Variants in ME1 observed in about 807,000 individuals in gnomAD.
The protein encoded by ME1 is malic enzyme 1.
In ME1, 74 loss-of-function variants were observed where a neutral mutation model predicts 66.4. The observed-to-expected ratio is 1.11, with a 90% CI of 0.92 to 1.35. ME1 has a LOEUF of 1.35. Among genes scored for constraint, ME1 ranks in the 40% most tolerant of loss-of-function variants. The pLI, the probability that ME1 is intolerant of heterozygous loss-of-function variation, is 0.00. For missense variants in ME1, 750 were observed against 694.1 expected (o/e 1.08, Z -0.90); for synonymous variants, 251 against 235.6 (o/e 1.07, Z -0.60).
chr6:83,322,990 G>A (rs919475038), intron 5 of ME1, among the ~76,000 whole-genome samples: 1 of 152,160 alleles, frequency 6.6e-6, no homozygotes, highest in African/African-American at 2.4e-5. Flanking sequence ...AAGAGAGTGG[G>A]GGCCAACATT....
At chr6:83,383,119 C>T (rs1769438027) in intron 3 of ME1, among the ~76,000 whole-genome samples, 1 of 151,784 alleles carries the variant, frequency 6.6e-6, no homozygotes. Flanking sequence ...TGTATACACA[C>T]ATACATATAC....
intron 3 of ME1, among the ~76,000 whole-genome samples, chr6:83,361,398 C>T (rs184497700): frequency 1.1e-4 from 16 of 152,368 alleles, no homozygotes; most frequent in Non-Finnish European, 2.9e-5. Flanking sequence ...GGGTGTATTA[C>T]TCCAGCCCAT....
At chr6:83,409,042 T>C (rs1769997566) in intron 1 of ME1, among the ~76,000 whole-genome samples, 1 of 152,058 alleles carries the variant, frequency 6.6e-6, no homozygotes, top group Admixed American at 6.6e-5. Context: ...TTATAAAAGG[T>C]ACCTCAGAGA....
chr6:83,344,560 G>GC (rs1257418001), intron 5 of ME1, among the ~76,000 whole-genome samples: 1 of 151,718 alleles, frequency 6.6e-6, no homozygotes, highest in Non-Finnish European at 1.5e-5. Context: ...TCTAGCCTGG[G>GC]CAACAACAGT....
intron 6 of ME1, among the ~76,000 whole-genome samples, chr6:83,280,854 G>C (rs1583354635): frequency 6.6e-6 from 1 of 152,118 alleles, no homozygotes; most frequent in African/African-American, 2.4e-5. Context: ...GCAGTGCCTA[G>C]AACAAAACCT....
At chr6:83,349,554 C>T (rs1379590235) in intron 4 of ME1, among the ~76,000 whole-genome samples, 1 of 152,194 alleles carries the variant, frequency 6.6e-6, no homozygotes, top group Non-Finnish European at 1.5e-5. Context: ...CAAAGATACT[C>T]TCCATGTGTC....
chr6:83,402,189 GCAAAGTGC>G (rs1190125272), intron 2 of ME1, among the ~76,000 whole-genome samples: 1 of 152,190 alleles, frequency 6.6e-6, no homozygotes, highest in South Asian at 2.1e-4. Flanking sequence ...TCAGTTACCA[GCAAAGTGC>G]CAATACCTTG....
chr6:83,264,812 A>T (rs1766959593), intron 6 of ME1, among the ~76,000 whole-genome samples: 2 of 152,176 alleles, frequency 1.3e-5, no homozygotes, highest in African/African-American at 4.8e-5. Context: ...TTTGAGATGA[A>T]ATTTACTTCT....
chr6:83,280,984 A>G (rs1219002535), intron 6 of ME1, among the ~76,000 whole-genome samples: 1 of 152,244 alleles, frequency 6.6e-6, no homozygotes, highest in African/African-American at 2.4e-5. Flanking sequence ...ACTTGCTTTA[A>G]CAACCATCTC....
At chr6:83,297,504 C>T (rs539092785) in intron 6 of ME1, among the ~76,000 whole-genome samples, 3 of 152,156 alleles carry the variant, frequency 2.0e-5, no homozygotes, top group Admixed American at 2.0e-4. Flanking sequence ...ATAGCCAAGG[C>T]AATCCTAAGC....
chr6:83,368,737 G>A (rs1474428527), intron 3 of ME1, among the ~76,000 whole-genome samples: 1 of 152,066 alleles, frequency 6.6e-6, no homozygotes, highest in Non-Finnish European at 1.5e-5. Flanking sequence ...GAAAGGCACT[G>A]GATAAAAATA....
chr6:83,351,804 A>T (rs1768807325), intron 4 of ME1, among the ~76,000 whole-genome samples: 1 of 152,214 alleles, frequency 6.6e-6, no homozygotes, highest in East Asian at 1.9e-4. Flanking sequence ...AGATGCTATC[A>T]CATATTCAAC....
intron 6 of ME1, among the ~76,000 whole-genome samples, chr6:83,270,490 T>C (rs1449670078): frequency 6.6e-6 from 1 of 152,092 alleles, no homozygotes; most frequent in East Asian, 1.9e-4. Flanking sequence ...CCATATCCTA[T>C]AGTGATTAGA....
intron 3 of ME1, chr6:83,393,275 C>T: frequency 8.4e-7 from 1 of 1,193,848 alleles, no homozygotes; most frequent in South Asian, 1.2e-5. Flanking sequence ...GACACCCACT[C>T]TTCCACCTTC....
intron 6 of ME1, among the ~76,000 whole-genome samples, chr6:83,283,227 C>CAAAAAAAAAAA (rs71545854): frequency 1.5e-3 from 42 of 28,908 alleles, no homozygotes; most frequent in African/African-American, 3.0e-3. Flanking sequence ...GACTCCGTCT[C>CAAAAAAAAAAA]AAAAAAAAAA....
chr6:83,391,963 A>C (rs1161979423), intron 3 of ME1, among the ~76,000 whole-genome samples: 3 of 152,188 alleles, frequency 2.0e-5, no homozygotes, highest in Non-Finnish European at 4.4e-5. Flanking sequence ...TCTCCATAAC[A>C]CTTATCACCT....
intron 5 of ME1, among the ~76,000 whole-genome samples, chr6:83,330,995 C>G (rs1768396878): frequency 1.3e-5 from 2 of 152,130 alleles, no homozygotes. Flanking sequence ...GTACACTGTA[C>G]ACATCAACCA....
chr6:83,383,948 G>A (rs1477841591), intron 3 of ME1, among the ~76,000 whole-genome samples: 1 of 151,764 alleles, frequency 6.6e-6, no homozygotes, highest in Non-Finnish European at 1.5e-5. Flanking sequence ...AAAACATATA[G>A]TATTGAGTTA....
chr6:83,218,395 T>TG (rs1419380961), intron 12 of ME1, among the ~76,000 whole-genome samples: 2 of 152,180 alleles, frequency 1.3e-5, no homozygotes, highest in African/African-American at 2.4e-5. Context: ...AAGGAAAGAC[T>TG]GGGGGGCATT....
Sources: gnomAD v4.1 joint callset for allele counts (sites outside exome capture counted in the v4.1 genomes callset) on GRCh38, gnomAD v4.1.1 for gene constraint, MANE v1.5 for transcripts, NCBI Gene and HGNC (gene_info 2026-07-23, HGNC 2026-07-21) for gene names.